The following ATM variants were observed in gnomAD, a reference collection of about 807,000 sequenced individuals.
The protein encoded by ATM is serine-protein kinase ATM.
In ATM, 308 loss-of-function variants were observed where a neutral mutation model predicts 387.0. That is an observed-to-expected ratio of 0.80 (90% CI 0.73 to 0.87). The LOEUF (loss-of-function observed/expected upper bound fraction) is 0.87. Among genes scored for constraint, ATM ranks in the 40% least tolerant of loss-of-function variants. The probability of loss-of-function intolerance (pLI) is 0.00; values close to 1 mark genes in which losing one functional copy is unlikely to be tolerated. For missense variants in ATM, 3,312 were observed against 3,560.9 expected (o/e 0.93, Z 1.78); for synonymous variants, 1,156 against 1,187.3 (o/e 0.97, Z 0.54).
intron 8 of ATM, 23 bp downstream of exon 8, chr11:108,247,150 C>T (rs760009543): frequency 1.2e-6 from 2 of 1,612,040 alleles, no homozygotes; most frequent in South Asian, 1.1e-5. Flanking sequence ...GGTCATGTCA[C>T]ATTTAGAAAT....
Position 108,367,069 on chromosome 11 carries a change from C to A in ATM, c.*1561C>A. On this transcript the variant is annotated 3_prime_UTR_variant, in exon 63 of 63. Transcript: ENST00000675843. ...GTGGCATGATCTCAGCTCACTGAAA[C>A]CTCTGCCTCCTGGGTTCAAGCAATT... is the stretch of plus-strand genomic sequence containing the variant. 1 of 182,090 alleles carries A rather than the reference C, an allele frequency of 5.5e-6. No homozygotes were observed. Among genetic ancestry groups the A allele is most frequent in the Non-Finnish European group, 1.2e-5 (1 of 85,500 alleles). 11.3% of individuals were successfully genotyped at this position (182,090 alleles called of 1,614,324 possible). A position where few individuals can be genotyped will look rare whatever the true frequency, so the allele number is the denominator to read the frequency against.
Position 108,244,870 on chromosome 11 carries a change from A to G in ATM, c.745A>G (p.Ile249Val), listed in dbSNP as rs1060501636. 1 of 1,613,862 alleles carries G rather than the reference A, an allele frequency of 6.2e-7. No homozygotes were observed. Among genetic ancestry groups the G allele is most frequent in the East Asian group, 2.2e-5 (1 of 44,820 alleles). Residue 249 changes from isoleucine (I) to valine (V), a missense_variant, in exon 7 of 63, where the codon ATT becomes GTT. This residue lies in a region of ATM where 1,791 missense variants were observed against 1,804.5 expected (regional missense o/e 0.99). Transcript: ENST00000675843. ...FLKTLAVNFR[I>V]RVCELGDEIL... Reference sequence around the variant, plus strand: ...CAAGACTTTGGCTGTCAACTTTCGAATTCGAGTGTGTGAATTAGGAGATGA... The same window carrying G: ...CAAGACTTTGGCTGTCAACTTTCGAGTTCGAGTGTGTGAATTAGGAGATGA...
intron 57 of ATM, 85 bp from the exon 58 acceptor site, chr11:108,345,658 C>T (rs974495901): frequency 8.8e-7 from 1 of 1,138,704 alleles, no homozygotes; most frequent in Non-Finnish European, 1.2e-6. Flanking sequence ...GCCCCTATAT[C>T]TGTCATATTT....
chr11:108,249,053 A>G lies in ATM; in HGVS notation c.1186A>G (p.Ile396Val), dbSNP rs1278957397. Residue 396 changes from isoleucine to valine, a missense_variant, in exon 9 of 63, where the codon ATA becomes GTA. Transcript: ENST00000675843. ...RKKIELGWEV[I>V]KDHLQKSQND... ...GAAAATAGAACTAGGCTGGGAAGTA[A>G]TAAAAGATCACCTTCAGAAGTCACA... 1 of 1,614,084 alleles carries G rather than the reference A, an allele frequency of 6.2e-7. No homozygotes were observed. The highest frequency in any genetic ancestry group is 1.3e-5 in the African/African-American group (1 of 75,030).
At chr11:108,327,590 T>G (rs889341906) in intron 47 of ATM, 55 bp from the exon 48 acceptor site, 22 of 1,405,660 alleles carry the variant, frequency 1.6e-5, no homozygotes, top group Non-Finnish European at 2.0e-5. Flanking sequence ...TGAAGGGCAG[T>G]TGGGTACAGT....
At position 108,365,962 on chromosome 11, in the gene ATM, A is replaced by G; in HGVS notation, c.*454A>G. The G allele has an allele frequency of 5.8e-6, 1 of 173,280 alleles. No homozygotes were observed. The highest frequency in any genetic ancestry group is 1.2e-5 in the Non-Finnish European group (1 of 80,808). The allele number at this position is 173,280 out of a possible 1,614,324, so 10.7% of individuals were successfully genotyped here. A position where few individuals can be genotyped will look rare whatever the true frequency, so the allele number is the denominator to read the frequency against. On this transcript the variant is annotated 3_prime_UTR_variant, in exon 63 of 63. Transcript: ENST00000675843. The stretch of plus-strand genomic sequence containing the variant: ...GAGAATCTCTTGAACCTGGGAGGTG[A>G]AGGTTGCTGTGGGCCAAAATCATGC...
chr11:108,293,898 T>A (rs1009762402), intron 31 of ATM, among the ~76,000 whole-genome samples: 23 of 120,788 alleles, frequency 1.9e-4, no homozygotes, highest in Admixed American at 4.4e-4. Context: ...AAAAAAAATA[T>A]ATATATATAT....
chr11:108,272,689 A>G (rs2081652622), intron 21 of ATM, 33 bp from the exon 22 acceptor site: 2 of 1,613,398 alleles, frequency 1.2e-6, no homozygotes, highest in Non-Finnish European at 1.7e-6. Flanking sequence ...ATTTTTCTCT[A>G]TTTCATATTT....
At position 108,223,127 on chromosome 11, in the gene ATM, C is replaced by T. The variant is rs2078569758; in HGVS notation, c.-90C>T. ...GGCCGCGGGAGGAGGCGAGAGGAGT[C>T]GGGATCTGCGCTGCAGCCACCGCCG... On this transcript the variant is annotated 5_prime_UTR_variant, in exon 1 of 63. Transcript: ENST00000675843. The T allele has an allele frequency of 5.5e-6, 1 of 182,436 alleles. No homozygotes were observed. Among genetic ancestry groups the T allele is most frequent in the Non-Finnish European group, 1.2e-5 (1 of 84,744 alleles). 11.3% of individuals were successfully genotyped at this position (182,436 alleles called of 1,614,324 possible).
intron 12 of ATM, among the ~76,000 whole-genome samples, chr11:108,253,450 T>C (rs1047997577): frequency 6.6e-6 from 1 of 152,216 alleles, no homozygotes; most frequent in African/African-American, 2.4e-5. Context: ...TTAAAGGTTT[T>C]TAAACCTATG....
chr11:108,286,250 T>C (rs1171676214), intron 26 of ATM, among the ~76,000 whole-genome samples: 1 of 135,800 alleles, frequency 7.4e-6, no homozygotes, highest in Non-Finnish European at 1.5e-5. Flanking sequence ...GAGGTGGAGG[T>C]TGCAGTGAGC....
At chr11:108,293,568 A>G (rs534809814) in intron 31 of ATM, 91 bp downstream of exon 31, 8 of 1,167,606 alleles carry the variant, frequency 6.9e-6, no homozygotes, top group Non-Finnish European at 8.7e-6. Context: ...AAAAAATGGA[A>G]TCTTTTCTTT....
chr11:108,246,104 A>G (rs2079836517), intron 7 of ATM, among the ~76,000 whole-genome samples: 1 of 152,112 alleles, frequency 6.6e-6, no homozygotes, highest in Admixed American at 6.5e-5. Flanking sequence ...GATTACAGGC[A>G]TGAGCCACTG....
intron 56 of ATM, among the ~76,000 whole-genome samples, chr11:108,337,600 G>A (rs1298138871): frequency 6.6e-6 from 1 of 152,156 alleles, no homozygotes; most frequent in Non-Finnish European, 1.5e-5. Context: ...CTGGTCCAGG[G>A]ACAACACTTT....
chr11:108,240,774 G>T (rs936967822), intron 5 of ATM, among the ~76,000 whole-genome samples: 7 of 152,082 alleles, frequency 4.6e-5, no homozygotes, highest in Admixed American at 3.9e-4. Context: ...AAAGGCCTGG[G>T]ATACTATATA....
At chr11:108,298,123 A>G (rs919615052) in intron 33 of ATM, among the ~76,000 whole-genome samples, 1 of 152,218 alleles carries the variant, frequency 6.6e-6, no homozygotes, top group Non-Finnish European at 1.5e-5. Context: ...AACCTAATGT[A>G]AAATAAGAAG....
At chr11:108,324,628 A>C (rs968045185) in intron 45 of ATM, among the ~76,000 whole-genome samples, 2 of 152,148 alleles carry the variant, frequency 1.3e-5, no homozygotes, top group Non-Finnish European at 2.9e-5. Context: ...CAAGCAACTA[A>C]AAGAGCTTTC....
chr11:108,246,925 A>C, intron 7 of ATM, 39 bp from the exon 8 acceptor site: 1 of 1,516,404 alleles, frequency 6.6e-7, no homozygotes, highest in Non-Finnish European at 9.1e-7. Flanking sequence ...TAAACAGAGT[A>C]CATACATAAA....
chr11:108,283,755 T>C (rs2082347048), intron 25 of ATM, among the ~76,000 whole-genome samples: 1 of 152,222 alleles, frequency 6.6e-6, no homozygotes, highest in African/African-American at 2.4e-5. Flanking sequence ...AACCCACGTA[T>C]ATGAAAAGTC....
Sources: allele counts gnomAD v4.1 joint callset (sites outside exome capture counted in the v4.1 genomes callset), GRCh38; gene constraint gnomAD v4.1.1; regional missense constraint gnomAD v4.1.1; transcripts MANE v1.5; gene names NCBI Gene and HGNC (gene_info 2026-07-23, HGNC 2026-07-21).